Variants in SPATA31G1 observed in about 807,000 individuals in gnomAD.
SPATA31G1 encodes the protein spermatogenesis-associated protein 31G1.
At chr9:35,042,356 C>A in the SPATA31G1 span, 1 of 1,614,238 alleles carries the variant, frequency 6.2e-7, no homozygotes, top group Non-Finnish European at 8.5e-7. Context: ...GCGGCAGCAG[C>A]TGCTTCCAGA....
chr9:35,044,604 G>A, the SPATA31G1 span: 4 of 1,614,164 alleles, frequency 2.5e-6, no homozygotes, highest in South Asian at 3.3e-5. Flanking sequence ...CCACGTAAGT[G>A]AGCCTATCGC....
the SPATA31G1 span, chr9:35,045,911 G>A: frequency 6.6e-7 from 1 of 1,526,224 alleles, no homozygotes; most frequent in Non-Finnish European, 8.8e-7. Flanking sequence ...GCCAAGACCT[G>A]AAGCCAAACC....
At chr9:35,042,185 G>C in the SPATA31G1 span, 20 of 1,555,162 alleles carry the variant, frequency 1.3e-5, no homozygotes, top group Non-Finnish European at 1.7e-5. Flanking sequence ...AGGCCTCTGT[G>C]GGGGATGGGA....
At chr9:35,041,193 A>G in the SPATA31G1 span, 1 of 437,160 alleles carries the variant, frequency 2.3e-6, no homozygotes, top group Non-Finnish European at 4.6e-6. Context: ...GGAACAGGCT[A>G]TGACCTAATG....
the SPATA31G1 span, chr9:35,045,505 G>A: frequency 6.2e-7 from 1 of 1,614,086 alleles, no homozygotes; most frequent in East Asian, 2.2e-5. Flanking sequence ...CATAGAAGAG[G>A]GACTGCAAGG....
chr9:35,042,603 G>A, the SPATA31G1 span: 6 of 1,478,196 alleles, frequency 4.1e-6, no homozygotes, highest in Middle Eastern at 7.2e-4. Context: ...GGCTGGGTGA[G>A]TAACCACTGA....
At chr9:35,044,563 C>A in the SPATA31G1 span, 1 of 1,614,144 alleles carries the variant, frequency 6.2e-7, no homozygotes, top group Non-Finnish European at 8.5e-7. Flanking sequence ...GGTAGGGGCT[C>A]CAGCCCATCC....
chr9:35,042,899 C>T, the SPATA31G1 span: 1 of 1,614,124 alleles, frequency 6.2e-7, no homozygotes, highest in Non-Finnish European at 8.5e-7. Flanking sequence ...TCCTTGATCA[C>T]CTGTGTAAGC....
At chr9:35,045,099 G>A in the SPATA31G1 span, 1 of 1,614,056 alleles carries the variant, frequency 6.2e-7, no homozygotes, top group Non-Finnish European at 8.5e-7. Flanking sequence ...AGACTTCTGG[G>A]GACTCCCTTC....
chr9:35,042,769 A>G, the SPATA31G1 span: 1 of 1,500,168 alleles, frequency 6.7e-7, no homozygotes, highest in Non-Finnish European at 9.0e-7. Flanking sequence ...GTAACTGTCC[A>G]CTCTGGATAT....
the SPATA31G1 span, chr9:35,045,342 G>A: frequency 3.1e-6 from 5 of 1,614,018 alleles, no homozygotes; most frequent in African/African-American, 1.3e-5. Flanking sequence ...AGGGCCATGT[G>A]TACACATGGA....
the SPATA31G1 span, chr9:35,045,473 T>C: frequency 6.2e-7 from 1 of 1,613,794 alleles, no homozygotes; most frequent in African/African-American, 1.3e-5. Context: ...GAGAGCACCC[T>C]AGGAAACCCA....
At chr9:35,041,105 A>T in the SPATA31G1 span, 2 of 454,882 alleles carry the variant, frequency 4.4e-6, no homozygotes, top group African/African-American at 2.0e-5. Flanking sequence ...AAAAAGAGGC[A>T]AAGGCAGAGA....
chr9:35,045,660 A>G, the SPATA31G1 span: 5 of 1,614,144 alleles, frequency 3.1e-6, no homozygotes, highest in Non-Finnish European at 4.2e-6. Context: ...GCTTCTCCCC[A>G]AAGCTTCGGG....
At chr9:35,045,511 C>A in the SPATA31G1 span, 2 of 1,614,100 alleles carry the variant, frequency 1.2e-6, no homozygotes, top group Non-Finnish European at 1.7e-6. Flanking sequence ...AGAGGGACTG[C>A]AAGGTTGGGG....
At chr9:35,043,851 T>C in the SPATA31G1 span, 1 of 1,614,114 alleles carries the variant, frequency 6.2e-7, no homozygotes, top group Non-Finnish European at 8.5e-7. Context: ...GGAAGATCCA[T>C]CCAGATATAA....
chr9:35,041,319 A>G, the SPATA31G1 span: 5 of 219,596 alleles, frequency 2.3e-5, no homozygotes, highest in Admixed American at 5.6e-5. Context: ...ATGTTAACAG[A>G]GGTCTTTGAA....
the SPATA31G1 span, chr9:35,042,507 A>G: frequency 6.2e-7 from 1 of 1,614,006 alleles, no homozygotes; most frequent in Non-Finnish European, 8.5e-7. Flanking sequence ...GTGACTGTAC[A>G]GCTGGATGAA....
At chr9:35,044,228 G>C in the SPATA31G1 span, 5 of 1,614,118 alleles carry the variant, frequency 3.1e-6, no homozygotes, top group Non-Finnish European at 4.2e-6. Context: ...TCAATCCTGG[G>C]GAATGCCTCG....
Sources: allele counts gnomAD v4.1 joint callset, GRCh38; gene constraint gnomAD v4.1.1; transcripts MANE v1.5; gene names NCBI Gene and HGNC (gene_info 2026-07-23, HGNC 2026-07-21).